UTRN: variants seen among roughly 807,000 people sequenced by gnomAD.
The protein encoded by UTRN is utrophin, also known as dystrophin-related protein 1.
A neutral mutation model predicts 463.9 loss-of-function variants in UTRN; 283 were observed. That is an observed-to-expected ratio of 0.61 (90% CI 0.55 to 0.67). The LOEUF is 0.67. Ranked by LOEUF, UTRN falls within the 30% of genes least tolerant of loss-of-function variation. The pLI is 0.00. For synonymous variants in UTRN, 1,442 were observed against 1,431.5 expected (o/e 1.01, Z -0.17); for missense variants, 3,922 against 4,084.3 (o/e 0.96, Z 1.08).
At chr6:144,850,927 G>T in intron 74 of UTRN, 62 bp from the exon 75 acceptor site, 1 of 1,604,630 alleles carries the variant, frequency 6.2e-7, no homozygotes, top group Non-Finnish European at 8.5e-7. Flanking sequence ...AGAATTGACA[G>T]ATCTCTGCTT....
chr6:144,401,742 A>G, intron 2 of UTRN, among the ~76,000 whole-genome samples: 1 of 151,906 alleles, frequency 6.6e-6, no homozygotes, highest in East Asian at 1.9e-4. Flanking sequence ...CTCTCCTTCC[A>G]CAAGGGGGTA....
At chr6:144,433,842 G>T (rs1327513040) in intron 9 of UTRN, among the ~76,000 whole-genome samples, 1 of 147,212 alleles carries the variant, frequency 6.8e-6, no homozygotes, top group African/African-American at 2.5e-5. Context: ...GGGCAGAGAC[G>T]CTCCTCACTT....
At chr6:144,719,664 G>A (rs933053971) in intron 53 of UTRN, among the ~76,000 whole-genome samples, 2 of 152,100 alleles carry the variant, frequency 1.3e-5, no homozygotes, top group Non-Finnish European at 2.9e-5. Flanking sequence ...GCATGTTCTC[G>A]GAACAGAAAT....
intron 69 of UTRN, among the ~76,000 whole-genome samples, chr6:144,831,512 C>A (rs751978803): frequency 6.6e-6 from 1 of 152,088 alleles, no homozygotes; most frequent in African/African-American, 2.4e-5. Context: ...TATTATGAGT[C>A]CTATTTTATA....
chr6:144,327,625 A>G (rs1425197049), intron 2 of UTRN, among the ~76,000 whole-genome samples: 2 of 152,126 alleles, frequency 1.3e-5, no homozygotes, highest in African/African-American at 2.4e-5. Flanking sequence ...GGTTATGTGC[A>G]TATATTCACA....
intron 19 of UTRN, among the ~76,000 whole-genome samples, chr6:144,456,334 T>C (rs1408770167): frequency 1.3e-5 from 2 of 152,156 alleles, no homozygotes; most frequent in Non-Finnish European, 2.9e-5. Context: ...AGGTATCTCA[T>C]AGAGCATAGA....
intron 62 of UTRN, among the ~76,000 whole-genome samples, chr6:144,789,780 T>G (rs1280107885): frequency 6.6e-6 from 1 of 152,214 alleles, no homozygotes; most frequent in East Asian, 1.9e-4. Context: ...ACGATAATCC[T>G]AAATAAATAT....
chr6:144,650,224 C>A (rs894942131), intron 51 of UTRN, among the ~76,000 whole-genome samples: 3 of 152,154 alleles, frequency 2.0e-5, no homozygotes, highest in Non-Finnish European at 4.4e-5. Flanking sequence ...GATTTAATTA[C>A]CTCCCACCAA....
chr6:144,406,644 G>A (rs1448228177), intron 3 of UTRN, among the ~76,000 whole-genome samples: 43 of 152,176 alleles, frequency 2.8e-4, no homozygotes, highest in Admixed American at 2.8e-3. Context: ...TGGGATTACA[G>A]GCGTGAGCCA....
chr6:144,452,551 G>A (rs1788429360), intron 18 of UTRN, among the ~76,000 whole-genome samples: 1 of 152,030 alleles, frequency 6.6e-6, no homozygotes. Flanking sequence ...GATTTTACTT[G>A]CTTCATTCTT....
intron 51 of UTRN, among the ~76,000 whole-genome samples, chr6:144,634,907 T>C (rs1424636773): frequency 1.3e-5 from 2 of 152,218 alleles, no homozygotes; most frequent in African/African-American, 4.8e-5. Flanking sequence ...ATTTTGTTTG[T>C]CCACTCATCA....
chr6:144,334,985 G>A (rs1776613967), intron 2 of UTRN, among the ~76,000 whole-genome samples: 1 of 152,214 alleles, frequency 6.6e-6, no homozygotes, highest in African/African-American at 2.4e-5. Context: ...ATCTCTAAAA[G>A]TGAATACAGA....
Position 144,376,079 on chromosome 6 carries a change from G to A in UTRN, c.80-27044G>A, listed in dbSNP as rs117198076. 3.3e-5 allele frequency among the ~76,000 whole-genome samples: 5 copies of A among 152,118 alleles called. No homozygotes were observed. The East Asian group carries it at 7.7e-4, about 24-fold the overall frequency. On this transcript the variant is annotated intron_variant, in intron 2 of 74. Transcript: ENST00000367545. Reference sequence around the variant, plus strand: ...ACAGCTTCCTGCAGTCTTGAACTCTGGGACTCAGGCAGTCCTCCCACCTCA... The same window carrying A: ...ACAGCTTCCTGCAGTCTTGAACTCTAGGACTCAGGCAGTCCTCCCACCTCA...
chr6:144,352,663 A>C (rs919811987), intron 2 of UTRN, among the ~76,000 whole-genome samples: 1 of 152,276 alleles, frequency 6.6e-6, no homozygotes, highest in Middle Eastern at 3.4e-3. Context: ...CATTCTGTAT[A>C]TTTGCTGAAT....
chr6:144,726,671 A>G (rs1287087956), intron 53 of UTRN, among the ~76,000 whole-genome samples: 1 of 152,182 alleles, frequency 6.6e-6, no homozygotes, highest in East Asian at 1.9e-4. Context: ...AGAATGGGAA[A>G]TGTAGGGGAT....
intron 4 of UTRN, among the ~76,000 whole-genome samples, 181 bp downstream of exon 4, chr6:144,422,151 G>A (rs1784885840): frequency 6.6e-6 from 1 of 152,104 alleles, no homozygotes; most frequent in African/African-American, 2.4e-5. Flanking sequence ...CAACATTTTG[G>A]CTCTTCTGAG....
chr6:144,600,478 G>A (rs1394154045), intron 51 of UTRN, among the ~76,000 whole-genome samples: 1 of 152,186 alleles, frequency 6.6e-6, no homozygotes, highest in Non-Finnish European at 1.5e-5. Flanking sequence ...TAGTGGTCTG[G>A]ATAGAAGATC....
chr6:144,760,103 T>A (rs1194829039), intron 58 of UTRN, among the ~76,000 whole-genome samples: 4 of 152,166 alleles, frequency 2.6e-5, no homozygotes, highest in Admixed American at 6.6e-5. Flanking sequence ...AGCTCTTTTT[T>A]AAAAATGAAT....
chr6:144,722,759 C>G (rs548528142), intron 53 of UTRN, among the ~76,000 whole-genome samples: 1 of 152,026 alleles, frequency 6.6e-6, no homozygotes, highest in Non-Finnish European at 1.5e-5. Context: ...TATTGGAGAG[C>G]AATTAGAGAC....
Sources: allele counts gnomAD v4.1 joint callset (sites outside exome capture counted in the v4.1 genomes callset), GRCh38; gene constraint gnomAD v4.1.1; transcripts MANE v1.5; gene names NCBI Gene and HGNC (gene_info 2026-07-23, HGNC 2026-07-21).